The following PIK3C2G variants were observed in gnomAD, a reference collection of about 807,000 sequenced individuals.
PIK3C2G encodes phosphatidylinositol 3-kinase C2 domain-containing subunit gamma.
PIK3C2G carries 168 observed loss-of-function variants against 181.1 expected under a neutral mutation model. The observed-to-expected ratio is 0.93, with a 90% CI of 0.82 to 1.05. The LOEUF is 1.05. PIK3C2G is among the 50% of genes least tolerant of loss of function. PIK3C2G has a pLI of 0.00. For synonymous variants in PIK3C2G, 573 were observed against 592.2 expected, an observed-to-expected ratio of 0.97 and a Z score of 0.47; for missense variants, 1,869 against 1,732.8, an observed-to-expected ratio of 1.08 and a Z score of -1.40.
intron 16 of PIK3C2G, among the ~76,000 whole-genome samples, chr12:18,405,514 G>A (rs186143175): frequency 8.6e-5 from 13 of 151,670 alleles, no homozygotes; most frequent in Admixed American, 5.3e-4. Flanking sequence ...CCGCCTCCCC[G>A]GGAGAACAGC....
intron 14 of PIK3C2G, among the ~76,000 whole-genome samples, chr12:18,390,553 C>G (rs1369187189): frequency 6.6e-6 from 1 of 152,094 alleles, no homozygotes; most frequent in Non-Finnish European, 1.5e-5. Flanking sequence ...GTCTATAAAT[C>G]TGAACTACAG....
At chr12:18,693,741 G>C in the PIK3C2G span, 1 of 1,532,072 alleles carries the variant, frequency 6.5e-7, no homozygotes. Flanking sequence ...TTTGATTCTA[G>C]GGTAGATGTG....
At chr12:18,502,526 T>C (rs1334143093) in intron 22 of PIK3C2G, among the ~76,000 whole-genome samples, 1 of 152,206 alleles carries the variant, frequency 6.6e-6, no homozygotes, top group Non-Finnish European at 1.5e-5. Context: ...GTAGACATTA[T>C]CCCTGAGAGA....
intron 18 of PIK3C2G, among the ~76,000 whole-genome samples, chr12:18,451,070 G>T (rs1444172811): frequency 2.0e-5 from 3 of 152,044 alleles, no homozygotes; most frequent in African/African-American, 7.2e-5. Flanking sequence ...GCTCCTTTTT[G>T]GTTCCATATG....
chr12:18,677,173 C>A, the PIK3C2G span, among the ~76,000 whole-genome samples: 3 of 152,070 alleles, frequency 2.0e-5, no homozygotes, highest in African/African-American at 7.2e-5. Context: ...CATATTCCAA[C>A]AGCAGATCCT....
intron 29 of PIK3C2G, among the ~76,000 whole-genome samples, chr12:18,584,677 T>C (rs1946680663): frequency 6.6e-6 from 1 of 151,980 alleles, no homozygotes; most frequent in Non-Finnish European, 1.5e-5. Context: ...ACAATAAAAC[T>C]CAGTAAATAT....
chr12:18,360,427 T>A lies in PIK3C2G; in HGVS notation c.1626-2337T>A, dbSNP rs558844172. On this transcript the variant is annotated intron_variant, in intron 11 of 32. Coordinates refer to ENST00000538779, the MANE Select transcript of PIK3C2G (RefSeq NM_001288772.2). ...AATTTATTTAGCACCATTACGGTAT[T>A]CTGTATTTGTCTATATATTTACCTT... 6.4e-4 allele frequency among the ~76,000 whole-genome samples: 97 copies of A among 152,282 alleles called. No homozygotes were observed. In the Middle Eastern group the frequency reaches 0.01, roughly 16 times the overall value.
chr12:18,538,846 T>C (rs1592527604), intron 25 of PIK3C2G, among the ~76,000 whole-genome samples: 1 of 152,076 alleles, frequency 6.6e-6, no homozygotes, highest in East Asian at 1.9e-4. Context: ...GTCATGGTCC[T>C]ACACACTCTC....
chr12:18,412,129 A>C (rs11044084), intron 16 of PIK3C2G, among the ~76,000 whole-genome samples: 14,653 of 152,160 alleles, frequency 0.096, 1,074 homozygotes, highest in Admixed American at 0.26. Flanking sequence ...TGTTTGAGAA[A>C]AGAGAAGAGT....
chr12:18,303,844 T>C (rs938331477), intron 5 of PIK3C2G, among the ~76,000 whole-genome samples: 4 of 152,176 alleles, frequency 2.6e-5, no homozygotes, highest in East Asian at 1.9e-4. Flanking sequence ...GCTTACAGGA[T>C]GGTCAAATTT....
chr12:18,273,024 A>C (rs1409638084), intron 1 of PIK3C2G, among the ~76,000 whole-genome samples: 1 of 143,314 alleles, frequency 7.0e-6, no homozygotes, highest in Non-Finnish European at 1.6e-5. Flanking sequence ...AGACACACAC[A>C]AACACACACA....
intron 18 of PIK3C2G, among the ~76,000 whole-genome samples, chr12:18,470,899 TTTTA>T (rs1478281733): frequency 2.6e-5 from 4 of 152,110 alleles, no homozygotes; most frequent in Admixed American, 2.6e-4. Flanking sequence ...TATTATAATG[TTTTA>T]TTTATCATCA....
intron 24 of PIK3C2G, among the ~76,000 whole-genome samples, chr12:18,514,352 C>A (rs1488711794): frequency 6.6e-6 from 1 of 151,806 alleles, no homozygotes; most frequent in Non-Finnish European, 1.5e-5. Context: ...TAATCTACGT[C>A]CAATATTTCT....
At chr12:18,458,765 T>C (rs1947760194) in intron 18 of PIK3C2G, among the ~76,000 whole-genome samples, 1 of 151,210 alleles carries the variant, frequency 6.6e-6, no homozygotes, top group Admixed American at 6.6e-5. Flanking sequence ...GGATGCTCTG[T>C]GGCTGACTTT....
chr12:18,664,905 G>A, the PIK3C2G span, among the ~76,000 whole-genome samples: 9 of 149,778 alleles, frequency 6.0e-5, no homozygotes, highest in African/African-American at 2.2e-4. Flanking sequence ...ACTATCACAA[G>A]GACAAAAAAC....
intron 11 of PIK3C2G, among the ~76,000 whole-genome samples, chr12:18,354,371 C>T (rs575394686): frequency 3.2e-4 from 49 of 152,196 alleles, no homozygotes; most frequent in African/African-American, 1.0e-3. Flanking sequence ...GGGGAGAACC[C>T]GGAGGAGCAG....
At chr12:18,632,569 C>T (rs975569945) in intron 31 of PIK3C2G, among the ~76,000 whole-genome samples, 3 of 152,104 alleles carry the variant, frequency 2.0e-5, no homozygotes, top group African/African-American at 7.2e-5. Flanking sequence ...GGCTTATGGA[C>T]ATATGGAGTT....
At chr12:18,650,700 GTGTGTATATATCTATATA>G (rs1950439457), downstream of PIK3C2G, among the ~76,000 whole-genome samples, 41 of 43,822 alleles carry the variant, frequency 9.4e-4, 1 homozygote, top group South Asian at 2.3e-3. Flanking sequence ...GTGTGTGTGT[GTGTGTATATATCTATATA>G]TATATATATA....
intron 31 of PIK3C2G, among the ~76,000 whole-genome samples, chr12:18,634,751 CA>C (rs750286660): frequency 6.6e-6 from 1 of 152,182 alleles, no homozygotes; most frequent in African/African-American, 2.4e-5. Flanking sequence ...GACAGGGTGA[CA>C]GGGGAAAGAG....
Sources: gnomAD v4.1 joint callset for allele counts (sites outside exome capture counted in the v4.1 genomes callset) on GRCh38, gnomAD v4.1.1 for gene constraint, MANE v1.5 for transcripts, NCBI Gene and HGNC (gene_info 2026-07-23, HGNC 2026-07-21) for gene names.